Variants in SYT2 observed in about 807,000 individuals in gnomAD.
SYT2 encodes synaptotagmin-2.
SYT2 carries 15 observed loss-of-function variants against 39.9 expected under a neutral mutation model. The ratio of observed to expected loss-of-function variants is 0.38; its 90% confidence interval spans 0.25 to 0.58. SYT2 has a LOEUF of 0.58. SYT2 is among the 20% of genes least tolerant of loss of function. SYT2 has a pLI of 0.70. For synonymous variants in SYT2, 181 were observed against 204.5 expected (o/e 0.89, Z 0.98); for missense variants, 389 against 530.3 (o/e 0.73, Z 2.62).
intron 1 of SYT2, among the ~76,000 whole-genome samples, chr1:202,696,391 G>C (rs10920458): frequency 0.31 from 47,301 of 152,114 alleles, 7,499 homozygotes; most frequent in South Asian, 0.43. Context: ...GGCCATGCAC[G>C]CATCATGTTC....
intron 1 of SYT2, among the ~76,000 whole-genome samples, chr1:202,701,594 G>A (rs1654122797): frequency 6.6e-6 from 1 of 152,180 alleles, no homozygotes; most frequent in Admixed American, 6.5e-5. Flanking sequence ...TGTGTAGTGT[G>A]GAAGAACACA....
Position 202,628,158 on chromosome 1 carries a change from C to T in SYT2, c.-17-22369G>A, listed in dbSNP as rs927080800. 2.0e-5 allele frequency among the ~76,000 whole-genome samples: 3 copies of T among 152,176 alleles called. No homozygotes were observed. Among genetic ancestry groups the T allele is most frequent in the Admixed American group, 6.5e-5 (1 of 15,274 alleles). The stretch of plus-strand genomic sequence containing the variant: ...TGCCAGCGGCATATTTCATTTCATC[C>T]GGGCCTTGTGAGGTGGGGACTGTGA... On this transcript the variant is annotated intron_variant, in intron 1 of 8. Coordinates refer to ENST00000367268, the MANE Select transcript of SYT2 (RefSeq NM_177402.5). This position sits in a 1 kb window ranked among gnomAD's most constrained non-coding sequence, Gnocchi z 4.2.
At chr1:202,613,167 G>A (rs1280324915) in intron 1 of SYT2, among the ~76,000 whole-genome samples, 12 of 131,302 alleles carry the variant, frequency 9.1e-5, no homozygotes, top group African/African-American at 1.1e-4. Flanking sequence ...TGCAACCTCC[G>A]CCTCCTGGGC....
At chr1:202,602,975 C>T in intron 4 of SYT2, 24 bp downstream of exon 4, 11 of 1,441,962 alleles carry the variant, frequency 7.6e-6, no homozygotes, top group Non-Finnish European at 1.0e-5. Context: ...TTCCCCCACT[C>T]TGCCCCCCCA....
intron 1 of SYT2, chr1:202,639,841 G>A (rs1034364806): frequency 1.0e-6 from 1 of 985,282 alleles, no homozygotes; most frequent in African/African-American, 1.7e-5. Flanking sequence ...CATTTTGGGG[G>A]ATCGTGTGCA....
chr1:202,657,178 CTCA>C (rs1169359336), intron 1 of SYT2, among the ~76,000 whole-genome samples: 4 of 152,230 alleles, frequency 2.6e-5, no homozygotes, highest in Non-Finnish European at 5.9e-5. Context: ...CTGAGCCAAC[CTCA>C]TCATGGTCAT....
rs1220478733 is a variant in SYT2 at position 202,628,874 on chromosome 1, T to C, written c.-17-23085A>G. Among the ~76,000 whole-genome samples the C allele has an allele frequency of 1.3e-5, 2 of 152,130 alleles. No individual in the cohort carries two copies. Among genetic ancestry groups the C allele is most frequent in the Non-Finnish European group, 2.9e-5 (2 of 68,012 alleles). On this transcript the variant is annotated intron_variant, in intron 1 of 8. Coordinates refer to ENST00000367268, the MANE Select transcript of SYT2 (RefSeq NM_177402.5). The surrounding 1 kb of genome is among the most constrained non-coding windows in gnomAD (Gnocchi z 4.2). ...CTGGGCAGACTGACCTGGACTGGAG[T>C]CTCGGCTCTTTTAGCCATGGGAACT...
At chr1:202,621,778 T>C (rs1228786574) in intron 1 of SYT2, among the ~76,000 whole-genome samples, 1 of 152,182 alleles carries the variant, frequency 6.6e-6, no homozygotes. Context: ...CTACAAAAAG[T>C]CAGGAGACTG....
intron 1 of SYT2, among the ~76,000 whole-genome samples, chr1:202,653,752 G>A (rs1692232098): frequency 2.0e-5 from 3 of 152,134 alleles, no homozygotes; most frequent in African/African-American, 4.8e-5. Flanking sequence ...TGACTACATC[G>A]CCACAACCCG....
intron 1 of SYT2, among the ~76,000 whole-genome samples, chr1:202,703,608 A>T (rs1204153922): frequency 1.3e-5 from 2 of 151,870 alleles, no homozygotes; most frequent in African/African-American, 2.4e-5. Flanking sequence ...CCTGCATCTG[A>T]TCCTACCTGA....
intron 1 of SYT2, among the ~76,000 whole-genome samples, chr1:202,659,232 T>C (rs1356521946): frequency 6.6e-6 from 1 of 152,214 alleles, no homozygotes; most frequent in African/African-American, 2.4e-5. Context: ...ATGCTACCTC[T>C]GTCCGTGTTC....
At chr1:202,648,792 A>G (rs1692138562) in intron 1 of SYT2, among the ~76,000 whole-genome samples, 1 of 152,212 alleles carries the variant, frequency 6.6e-6, no homozygotes, top group Non-Finnish European at 1.5e-5. Context: ...GTTATTGCCA[A>G]AAAGAAAGAA....
intron 1 of SYT2, among the ~76,000 whole-genome samples, chr1:202,688,011 G>A (rs995739879): frequency 6.6e-6 from 1 of 152,162 alleles, no homozygotes; most frequent in Non-Finnish European, 1.5e-5. Context: ...GCATGGGCCT[G>A]TGTCATGCTG....
intron 1 of SYT2, among the ~76,000 whole-genome samples, chr1:202,651,406 G>A (rs1236036618): frequency 6.6e-6 from 1 of 152,214 alleles, no homozygotes; most frequent in Non-Finnish European, 1.5e-5. Context: ...CAGTTTGGGA[G>A]CCTGTGCCAT....
At chr1:202,687,394 ACT>A (rs767532719) in intron 1 of SYT2, among the ~76,000 whole-genome samples, 1 of 151,648 alleles carries the variant, frequency 6.6e-6, no homozygotes, top group South Asian at 2.1e-4. Flanking sequence ...AGTTACTCTC[ACT>A]CTCTATCATG....
intron 1 of SYT2, among the ~76,000 whole-genome samples, chr1:202,709,424 C>G (rs1480653807): frequency 6.6e-6 from 1 of 152,218 alleles, no homozygotes; most frequent in Non-Finnish European, 1.5e-5. Flanking sequence ...TAAAGCTCCA[C>G]TTTTTAGTTG....
chr1:202,657,083 A>G (rs1274793269), intron 1 of SYT2, among the ~76,000 whole-genome samples: 4 of 152,130 alleles, frequency 2.6e-5, no homozygotes, highest in African/African-American at 9.7e-5. Context: ...ATTTTTGTGT[A>G]TGTCCTTTTT....
At chr1:202,597,190 C>T (rs1462615569) in intron 8 of SYT2, among the ~76,000 whole-genome samples, 1 of 152,168 alleles carries the variant, frequency 6.6e-6, no homozygotes, top group Non-Finnish European at 1.5e-5. Flanking sequence ...GTACTGTGCT[C>T]TAGACCCTGT....
intron 1 of SYT2, among the ~76,000 whole-genome samples, chr1:202,617,504 T>G (rs1349902003): frequency 6.6e-6 from 1 of 152,240 alleles, no homozygotes; most frequent in Non-Finnish European, 1.5e-5. Context: ...TCATGCTTTC[T>G]GTACAGCCTG....
Sources: allele counts gnomAD v4.1 joint callset (sites outside exome capture counted in the v4.1 genomes callset), GRCh38; gene constraint gnomAD v4.1.1; non-coding constraint Gnocchi (gnomAD v3.1); transcripts MANE v1.5; gene names NCBI Gene and HGNC (gene_info 2026-07-23, HGNC 2026-07-21).